KIAA1671: variants seen among roughly 807,000 people sequenced by gnomAD.
KIAA1671 encodes the protein KIAA1671.
In KIAA1671, 52 loss-of-function variants were observed where a neutral mutation model predicts 131.2. The ratio of observed to expected loss-of-function variants is 0.40; its 90% CI spans 0.32 to 0.50. KIAA1671 has a LOEUF of 0.50. Among genes scored for constraint, KIAA1671 ranks in the 20% least tolerant of loss-of-function variants. The probability of loss-of-function intolerance (pLI) is 0.73; values close to 1 mark genes in which losing one functional copy is unlikely to be tolerated. For synonymous variants in KIAA1671, 1,003 were observed against 961.6 expected, an observed-to-expected ratio of 1.04 and a Z score of -0.80; for missense variants, 2,360 against 2,364.2, an observed-to-expected ratio of 1.00 and a Z score of 0.04.
At chr22:25,129,798 A>C (rs554434142) in intron 6 of KIAA1671, among the ~76,000 whole-genome samples, 5 of 152,210 alleles carry the variant, frequency 3.3e-5, no homozygotes, top group African/African-American at 1.2e-4. Context: ...AGTAGCTATG[A>C]TTATAGGTGC....
At chr22:24,981,642 C>T (rs1923239530) in intron 1 of KIAA1671, among the ~76,000 whole-genome samples, 1 of 152,210 alleles carries the variant, frequency 6.6e-6, no homozygotes, top group African/African-American at 2.4e-5. Context: ...AGGTGCCTGG[C>T]TCATGCCTGT....
chr22:24,963,268 G>A (rs6004369), intron 1 of KIAA1671, among the ~76,000 whole-genome samples: 4,959 of 150,784 alleles, frequency 0.033, 269 homozygotes, highest in African/African-American at 0.1. Context: ...GGAGGCTGAG[G>A]CAGGAGAATC....
chr22:24,968,195 G>A (rs774303400), intron 1 of KIAA1671, among the ~76,000 whole-genome samples: 2 of 152,178 alleles, frequency 1.3e-5, no homozygotes, highest in Non-Finnish European at 2.9e-5. Flanking sequence ...TAAAAGGTAG[G>A]GAAGGGGGGC....
At chr22:25,003,913 G>C (rs529052891) in intron 1 of KIAA1671, among the ~76,000 whole-genome samples, 1 of 151,598 alleles carries the variant, frequency 6.6e-6, no homozygotes, top group East Asian at 1.9e-4. Context: ...TGCCTCCTGG[G>C]TTCAAGCAGT....
intron 6 of KIAA1671, chr22:25,060,734 A>T (rs1928114023): frequency 1.3e-5 from 2 of 152,210 alleles, no homozygotes; most frequent in Admixed American, 1.3e-4. Flanking sequence ...TACCTGCCTC[A>T]TTCTCCTCCC....
intron 6 of KIAA1671, among the ~76,000 whole-genome samples, chr22:25,097,167 T>C (rs909890222): frequency 1.3e-5 from 2 of 152,208 alleles, no homozygotes; most frequent in Non-Finnish European, 2.9e-5. Flanking sequence ...GGTAAGTGTA[T>C]GATAAACTTG....
Position 25,028,465 on chromosome 22 carries a change from C to G in KIAA1671, c.466C>G (p.Leu156Val). 6.5e-7 allele frequency: 1 copy of G among 1,550,282 alleles called. No individual in the cohort carries two copies. The highest frequency in any genetic ancestry group is 8.7e-7 in the Non-Finnish European group (1 of 1,146,472). ...CGAAACCACCAAAAGCGGCCCCGCTCTGGGGAAGGCGGTTAGTGAGGGGGC... is the reference window on the plus strand; with the variant it reads ...CGAAACCACCAAAAGCGGCCCCGCTGTGGGGAAGGCGGTTAGTGAGGGGGC... ...LFETTKSGPA[L>V]GKAVSEGAEE... Residue 156 changes from leucine to valine, a missense_variant, in exon 3 of 13, where the codon CTG becomes GTG. By Grantham distance (32) the Leu-to-Val change is conservative. Transcript: ENST00000358431.
chr22:25,148,795 C>T (rs925822836), intron 6 of KIAA1671, among the ~76,000 whole-genome samples: 2 of 152,178 alleles, frequency 1.3e-5, no homozygotes, highest in African/African-American at 4.8e-5. Flanking sequence ...ATTTGCATCT[C>T]GCTCCCGTAA....
At chr22:25,006,423 G>A (rs905914313) in intron 1 of KIAA1671, among the ~76,000 whole-genome samples, 2 of 152,194 alleles carry the variant, frequency 1.3e-5, no homozygotes, top group Non-Finnish European at 2.9e-5. Flanking sequence ...TTGATGCTGT[G>A]AAATGCTTAA....
chr22:25,187,726 G>T (rs1001299361), intron 11 of KIAA1671, among the ~76,000 whole-genome samples: 3 of 152,104 alleles, frequency 2.0e-5, no homozygotes, highest in Non-Finnish European at 4.4e-5. Context: ...GCCCAGGCCG[G>T]TCTCGAATTC....
At position 25,038,127 on chromosome 22, in the gene KIAA1671, G is replaced by A. The variant is rs919053631; in HGVS notation, c.1630-633G>A. 1.4e-4 allele frequency among the ~76,000 whole-genome samples: 22 copies of A among 152,242 alleles called. No individual in the cohort carries two copies. In the East Asian group the frequency reaches 3.9e-3, roughly 27 times the overall value. On this transcript the variant is annotated intron_variant, in intron 4 of 12. Coordinates refer to ENST00000358431, the MANE Select transcript of KIAA1671 (RefSeq NM_001145206.2). ...GCTAGGATTACAGGTTTGAGCCACC[G>A]CACCTGGCCTTTAATTCCTTTTAAA...
Position 25,192,734 on chromosome 22 carries a change from C to T in KIAA1671, c.*333C>T, listed in dbSNP as rs1291994315. ...CCTATTTTAGACACCTTCATCAGCT[C>T]CAAGAACATCAGTGTGAGGCTGGAA... On this transcript the variant is annotated 3_prime_UTR_variant, in exon 13 of 13. Coordinates refer to ENST00000358431, the MANE Select transcript of KIAA1671 (RefSeq NM_001145206.2). The T allele has an allele frequency of 6.6e-6, 1 of 152,194 alleles. No individual in the cohort carries two copies. The highest frequency in any genetic ancestry group is 1.5e-5 in the Non-Finnish European group (1 of 68,050). 9.4% of individuals were successfully genotyped at this position (152,194 alleles called of 1,614,324 possible).
chr22:25,117,759 C>T (rs1931749897), intron 6 of KIAA1671, among the ~76,000 whole-genome samples: 1 of 152,176 alleles, frequency 6.6e-6, no homozygotes, highest in Admixed American at 6.5e-5. Context: ...GGTCCTCCGG[C>T]TCTGTAACAA....
intron 6 of KIAA1671, among the ~76,000 whole-genome samples, chr22:25,088,314 C>T (rs1929842799): frequency 6.6e-6 from 1 of 152,112 alleles, no homozygotes; most frequent in African/African-American, 2.4e-5. Context: ...ACCATGTTGG[C>T]CAGGCTGGTC....
chr22:25,028,263 G>T lies in KIAA1671; in HGVS notation c.264G>T (p.Ser88=). The part of the protein sequence containing the change: ...KSPVPSLRPS[S]TGPSPSGGLS... ...CTGTCCCGTCTCTGCGGCCCAGTTCGACTGGACCTTCCCCCTCTGGGGGGC... is the reference window on the plus strand; with the variant it reads ...CTGTCCCGTCTCTGCGGCCCAGTTCTACTGGACCTTCCCCCTCTGGGGGGC... The change falls in exon 3 of 13, where the codon TCG becomes TCT. Residue 88 remains serine, a synonymous_variant. Coordinates refer to ENST00000358431, the MANE Select transcript of KIAA1671 (RefSeq NM_001145206.2). 1 of 1,551,534 alleles carries T rather than the reference G, an allele frequency of 6.4e-7. No homozygotes were observed. Among genetic ancestry groups the T allele is most frequent in the East Asian group, 2.4e-5 (1 of 40,902 alleles).
At chr22:25,064,535 T>A (rs1389838822) in intron 6 of KIAA1671, 2 of 152,132 alleles carry the variant, frequency 1.3e-5, no homozygotes, top group East Asian at 3.9e-4. Context: ...TGAGGCAATC[T>A]AACTCCATCC....
intron 1 of KIAA1671, chr22:25,012,873 C>A (rs748744122): frequency 7.9e-5 from 12 of 152,168 alleles, no homozygotes; most frequent in Non-Finnish European, 1.3e-4. Flanking sequence ...GGAAACCATG[C>A]GCTTTAGTGC....
intron 6 of KIAA1671, among the ~76,000 whole-genome samples, chr22:25,076,474 C>G (rs994917604): frequency 1.3e-5 from 2 of 152,182 alleles, no homozygotes; most frequent in African/African-American, 4.8e-5. Flanking sequence ...CTGAGTCCTT[C>G]TCATAGCTGC....
In KIAA1671 at chr22:25,107,319, A is replaced by C. The variant is rs570036877; in HGVS notation, c.4530+57955A>C. ...GTAGTCCCAGCTATTCGGGAGACTGAGGCAGGAGAATGGCGTGAACCCAGG... is the reference window on the plus strand; with the variant it reads ...GTAGTCCCAGCTATTCGGGAGACTGCGGCAGGAGAATGGCGTGAACCCAGG... On this transcript the variant is annotated intron_variant, in intron 6 of 12. Transcript: ENST00000358431. Among the ~76,000 whole-genome samples the C allele has an allele frequency of 1.7e-4, 26 of 152,190 alleles. No individual in the cohort carries two copies. The East Asian group carries it at 4.5e-3, about 26-fold the overall frequency.
Sources: gnomAD v4.1 joint callset for allele counts (sites outside exome capture counted in the v4.1 genomes callset) on GRCh38, gnomAD v4.1.1 for gene constraint, MANE v1.5 for transcripts, NCBI Gene and HGNC (gene_info 2026-07-23, HGNC 2026-07-21) for gene names.